Variants in RNGTT observed in about 807,000 individuals in gnomAD.
RNGTT encodes mRNA-capping enzyme.
RNGTT carries 33 observed loss-of-function variants against 79.3 expected under a neutral mutation model. The observed-to-expected ratio is 0.42, with a 90% CI of 0.32 to 0.56. The LOEUF (loss-of-function observed/expected upper bound fraction) is 0.56. RNGTT is among the 20% of genes least tolerant of loss of function. The probability of loss-of-function intolerance (pLI) is 0.17; values close to 1 mark genes in which losing one functional copy is unlikely to be tolerated. For missense variants in RNGTT, 497 were observed against 739.1 expected, an observed-to-expected ratio of 0.67 and a Z score of 3.80; for synonymous variants, 222 against 235.9, an observed-to-expected ratio of 0.94 and a Z score of 0.54.
At chr6:88,637,375 T>C (rs1773137453) in intron 14 of RNGTT, among the ~76,000 whole-genome samples, 1 of 152,128 alleles carries the variant, frequency 6.6e-6, no homozygotes, top group Admixed American at 6.5e-5. Context: ...TTTATTTTCA[T>C]TCTGTTGTTC....
At chr6:88,955,384 A>T (rs1246227502) in intron 1 of RNGTT, among the ~76,000 whole-genome samples, 1 of 151,906 alleles carries the variant, frequency 6.6e-6, no homozygotes, top group Non-Finnish European at 1.5e-5. Context: ...TCCTGTCTCT[A>T]CTAAAAATAC....
At chr6:88,665,797 C>T (rs1054038369) in intron 14 of RNGTT, among the ~76,000 whole-genome samples, 1 of 152,204 alleles carries the variant, frequency 6.6e-6, no homozygotes, top group African/African-American at 2.4e-5. Context: ...CGTGTTGTTC[C>T]AGTACATCGA....
intron 14 of RNGTT, among the ~76,000 whole-genome samples, chr6:88,645,933 A>G (rs1328411552): frequency 6.6e-6 from 1 of 152,262 alleles, no homozygotes; most frequent in Non-Finnish European, 1.5e-5. Context: ...CATTCAGGAC[A>G]TAGGCATGGG....
intron 12 of RNGTT, among the ~76,000 whole-genome samples, chr6:88,794,180 C>T (rs1023828148): frequency 2.0e-5 from 3 of 152,140 alleles, no homozygotes; most frequent in African/African-American, 7.2e-5. Context: ...GAGACCACTC[C>T]TAACCCACTG....
chr6:88,739,730 TATATATATATATATATATATATA>T (rs1777410389), intron 13 of RNGTT, among the ~76,000 whole-genome samples: 1 of 12,534 alleles, frequency 8.0e-5, no homozygotes, highest in African/African-American at 2.5e-4. Context: ...AAAAATTATA[TATATATATATATATATATATATA>T]TATATATATA....
At chr6:88,942,955 A>C (rs1395399338) in intron 1 of RNGTT, among the ~76,000 whole-genome samples, 1 of 152,054 alleles carries the variant, frequency 6.6e-6, no homozygotes, top group Non-Finnish European at 1.5e-5. Context: ...TTTTCCTTCT[A>C]GCTCTCTGGC....
intron 11 of RNGTT, among the ~76,000 whole-genome samples, chr6:88,832,342 A>T (rs922787654): frequency 6.6e-6 from 1 of 152,228 alleles, no homozygotes; most frequent in African/African-American, 2.4e-5. Flanking sequence ...AAATGGGGAA[A>T]GGATTCCCTA....
chr6:88,901,493 A>ATTT (rs1562310733), intron 6 of RNGTT, among the ~76,000 whole-genome samples: 1 of 97,562 alleles, frequency 1.0e-5, no homozygotes, highest in African/African-American at 4.5e-5. Context: ...AAGCACCCTG[A>ATTT]TCTTTTTTTT....
intron 7 of RNGTT, among the ~76,000 whole-genome samples, chr6:88,891,055 G>C (rs1175055817): frequency 6.6e-6 from 1 of 151,962 alleles, no homozygotes. Context: ...GAGAAATATG[G>C]GTCAAGATTA....
intron 8 of RNGTT, among the ~76,000 whole-genome samples, chr6:88,876,407 G>A (rs1046577001): frequency 6.6e-5 from 10 of 152,226 alleles, no homozygotes; most frequent in South Asian, 6.2e-4. Flanking sequence ...GGCGGCACGC[G>A]CCTATAGTCC....
chr6:88,728,669 C>T (rs1027651603), intron 13 of RNGTT, among the ~76,000 whole-genome samples: 4 of 152,118 alleles, frequency 2.6e-5, no homozygotes, highest in Non-Finnish European at 4.4e-5. Flanking sequence ...GATATGGGGG[C>T]TGAGGTTTCA....
chr6:88,664,739 G>A (rs1452291094), intron 14 of RNGTT, among the ~76,000 whole-genome samples: 1 of 152,172 alleles, frequency 6.6e-6, no homozygotes, highest in Non-Finnish European at 1.5e-5. Flanking sequence ...CAAGGACGAA[G>A]GAGCCTTGTT....
chr6:88,659,479 A>G (rs1471504873), intron 14 of RNGTT, among the ~76,000 whole-genome samples: 1 of 152,226 alleles, frequency 6.6e-6, no homozygotes, highest in Non-Finnish European at 1.5e-5. Context: ...AGTAAAAGAC[A>G]CACTTAGAGA....
intron 13 of RNGTT, among the ~76,000 whole-genome samples, chr6:88,729,622 G>A (rs1452225123): frequency 2.0e-5 from 3 of 152,164 alleles, no homozygotes; most frequent in Non-Finnish European, 2.9e-5. Flanking sequence ...AACTACACTA[G>A]AGATGTTGTT....
intron 1 of RNGTT, among the ~76,000 whole-genome samples, chr6:88,962,794 G>A (rs926295504): frequency 1.3e-5 from 2 of 152,054 alleles, no homozygotes; most frequent in South Asian, 2.1e-4. Flanking sequence ...AGCCGGGTGC[G>A]GTGGCAGGAG....
intron 4 of RNGTT, among the ~76,000 whole-genome samples, chr6:88,926,856 A>C (rs1784334749): frequency 6.6e-6 from 1 of 152,350 alleles, no homozygotes; most frequent in African/African-American, 2.4e-5. Context: ...GGAAATGTTC[A>C]ATATGTGATA....
intron 13 of RNGTT, among the ~76,000 whole-genome samples, chr6:88,758,468 C>T (rs1778095709): frequency 6.6e-6 from 1 of 152,092 alleles, no homozygotes; most frequent in Non-Finnish European, 1.5e-5. Context: ...AGTTTTTGAC[C>T]ATCTGAAATT....
At chr6:88,632,536 GACACACAGACAC>G (rs1433895988) in intron 14 of RNGTT, among the ~76,000 whole-genome samples, 1,226 of 98,422 alleles carry the variant, frequency 0.012, 16 homozygotes, top group African/African-American at 0.032. Flanking sequence ...CAGACACACA[GACACACAGACAC>G]ACACACACAC....
chr6:88,826,614 T>C (rs1370172898), intron 11 of RNGTT, among the ~76,000 whole-genome samples: 1 of 151,320 alleles, frequency 6.6e-6, no homozygotes, highest in Admixed American at 6.6e-5. Flanking sequence ...AGAAACCCCA[T>C]CTCTAATAAA....
Sources: allele counts gnomAD v4.1 joint callset (sites outside exome capture counted in the v4.1 genomes callset), GRCh38; gene constraint gnomAD v4.1.1; transcripts MANE v1.5; gene names NCBI Gene and HGNC (gene_info 2026-07-23, HGNC 2026-07-21).